TTLL11: variants seen among roughly 807,000 people sequenced by gnomAD.
TTLL11 encodes the protein tubulin polyglutamylase TTLL11.
TTLL11 carries 42 observed loss-of-function variants against 51.7 expected under a neutral mutation model. That is an observed-to-expected ratio of 0.81 (90% CI 0.64 to 1.05). The LOEUF (loss-of-function observed/expected upper bound fraction) is 1.05. TTLL11 is among the 50% of genes least tolerant of loss of function. TTLL11 has a pLI of 0.00. For missense variants in TTLL11, 799 were observed against 940.4 expected, an observed-to-expected ratio of 0.85 and a Z score of 1.97; for synonymous variants, 381 against 383.5, an observed-to-expected ratio of 0.99 and a Z score of 0.08.
intron 6 of TTLL11, among the ~76,000 whole-genome samples, chr9:121,899,284 T>C (rs1341190310): frequency 6.6e-6 from 1 of 151,906 alleles, no homozygotes; most frequent in Non-Finnish European, 1.5e-5. Flanking sequence ...AAACACTCTT[T>C]ATGCACTTCT....
intron 6 of TTLL11, among the ~76,000 whole-genome samples, chr9:121,883,778 G>A (rs1433501565): frequency 6.6e-6 from 1 of 152,156 alleles, no homozygotes; most frequent in Non-Finnish European, 1.5e-5. Flanking sequence ...TTTTTTAGAT[G>A]ATGCCTCCCT....
chr9:121,919,782 G>T (rs1240750539), intron 6 of TTLL11, among the ~76,000 whole-genome samples: 1 of 150,270 alleles, frequency 6.7e-6, no homozygotes, highest in South Asian at 2.1e-4. Flanking sequence ...GAGTCTGAGA[G>T]GGAAGGATCA....
At chr9:121,922,143 G>GC (rs1564306316) in intron 6 of TTLL11, among the ~76,000 whole-genome samples, 1 of 152,176 alleles carries the variant, frequency 6.6e-6, no homozygotes, top group African/African-American at 2.4e-5. Context: ...GGTTGAACCA[G>GC]CCAAGGAGGG....
intron 1 of TTLL11, among the ~76,000 whole-genome samples, chr9:122,051,325 G>A (rs1845150101): frequency 6.6e-6 from 1 of 152,180 alleles, no homozygotes; most frequent in South Asian, 2.1e-4. Flanking sequence ...ATGGATGGAT[G>A]AAATGAGCAC....
At chr9:121,964,977 C>A (rs1287995061) in intron 6 of TTLL11, among the ~76,000 whole-genome samples, 1 of 152,090 alleles carries the variant, frequency 6.6e-6, no homozygotes, top group African/African-American at 2.4e-5. Context: ...TACTGGCTGG[C>A]GATCTAATTC....
chr9:121,989,491 C>T lies in TTLL11; in HGVS notation c.973G>A (p.Glu325Lys), dbSNP rs761701223. ...AKDGLSRFCT[E>K]PYQEPTPKNL... ...TTGGGGGTGGGCTCCTGATATGGCT[C>T]GGTACAAAACCTAGAGAGTCCGTCT... Residue 325 changes from glutamate to lysine, a missense_variant, in exon 4 of 9, where the codon GAG becomes AAG. Physicochemically the swap from Glu to Lys is moderately conservative, Grantham distance 56. This residue lies in a region of TTLL11 where 468 missense variants were observed against 612.8 expected (regional missense o/e 0.76). Coordinates refer to ENST00000321582, the MANE Select transcript of TTLL11 (RefSeq NM_001139442.2). The surrounding 1 kb of genome is among the most constrained non-coding windows in gnomAD (Gnocchi z 4.2). 6.2e-6 allele frequency: 10 copies of T among 1,613,958 alleles called. No individual in the cohort carries two copies. Among genetic ancestry groups the T allele is most frequent in the East Asian group, 2.2e-5 (1 of 44,872 alleles).
At position 121,956,280 on chromosome 9, in the gene TTLL11, G is replaced by T. The variant is rs148785033; in HGVS notation, c.1481+17729C>A. On this transcript the variant is annotated intron_variant, in intron 6 of 8. Coordinates refer to ENST00000321582, the MANE Select transcript of TTLL11 (RefSeq NM_001139442.2). ...AAAAAAACCTGCAACTTTCTCCTTC[G>T]TTAGAAGAATTGTTGTAAGATGGTG... Among the ~76,000 whole-genome samples the T allele has an allele frequency of 2.2e-3, 336 of 152,292 alleles. 2 individuals carry two copies. The highest frequency in any genetic ancestry group is 7.8e-3 in the African/African-American group (325 of 41,568).
chr9:122,043,351 A>C (rs1844899856), intron 1 of TTLL11, among the ~76,000 whole-genome samples: 1 of 152,230 alleles, frequency 6.6e-6, no homozygotes, highest in Admixed American at 6.5e-5. Flanking sequence ...GTGTGATCAA[A>C]TGATTCTCAA....
chr9:122,090,900 AG>A (rs1313367562), intron 1 of TTLL11, among the ~76,000 whole-genome samples: 3 of 152,208 alleles, frequency 2.0e-5, no homozygotes, highest in Non-Finnish European at 4.4e-5. Flanking sequence ...ATAAATGAAA[AG>A]GGAGAATTTC....
At chr9:122,020,546 T>A (rs1386431168) in intron 3 of TTLL11, among the ~76,000 whole-genome samples, 1 of 152,258 alleles carries the variant, frequency 6.6e-6, no homozygotes, top group African/African-American at 2.4e-5. Context: ...CTATGAATAA[T>A]AGAAGAATCC....
At chr9:122,056,992 C>T (rs892386397) in intron 1 of TTLL11, among the ~76,000 whole-genome samples, 23 of 152,148 alleles carry the variant, frequency 1.5e-4, no homozygotes, top group African/African-American at 5.6e-4. Flanking sequence ...ACAGAGGAAT[C>T]ATAGAGGAAA....
chr9:121,892,136 A>G (rs1230003857), intron 6 of TTLL11, among the ~76,000 whole-genome samples: 2 of 147,424 alleles, frequency 1.4e-5, no homozygotes, highest in African/African-American at 4.9e-5. Flanking sequence ...CTACCTTTAT[A>G]TATATACACA....
chr9:122,055,846 G>C (rs540995238), intron 1 of TTLL11, among the ~76,000 whole-genome samples: 1 of 152,322 alleles, frequency 6.6e-6, no homozygotes, highest in Admixed American at 6.5e-5. Context: ...ACGAAAAAAA[G>C]GGAAGTTACC....
At chr9:122,089,449 G>GAT (rs140974298) in intron 1 of TTLL11, among the ~76,000 whole-genome samples, 29 of 152,064 alleles carry the variant, frequency 1.9e-4, no homozygotes, top group Admixed American at 7.9e-4. Context: ...TAGTACCAGG[G>GAT]ATATATATAT....
At chr9:121,976,641 A>T (rs1210888685) in intron 4 of TTLL11, among the ~76,000 whole-genome samples, 1 of 152,214 alleles carries the variant, frequency 6.6e-6, no homozygotes, top group African/African-American at 2.4e-5. Context: ...CATTAGTTAA[A>T]TGATAATTAT....
intron 8 of TTLL11, among the ~76,000 whole-genome samples, chr9:121,845,856 CAG>C (rs1228009531): frequency 6.6e-6 from 1 of 152,016 alleles, no homozygotes; most frequent in Non-Finnish European, 1.5e-5. Context: ...GAAGTAAAAA[CAG>C]AAACAAAGAA....
chr9:121,945,697 G>T (rs1025328431), intron 6 of TTLL11, among the ~76,000 whole-genome samples: 1 of 152,112 alleles, frequency 6.6e-6, no homozygotes, highest in African/African-American at 2.4e-5. Flanking sequence ...TACATTTAAT[G>T]ATTCCATTCA....
intron 2 of TTLL11, among the ~76,000 whole-genome samples, chr9:122,034,591 T>C (rs909954502): frequency 1.3e-5 from 2 of 152,160 alleles, no homozygotes; most frequent in African/African-American, 4.8e-5. Context: ...TGTGCTCCTA[T>C]CCAGTGCCAC....
In TTLL11 at chr9:121,951,391, A is replaced by T. The variant is rs1278326247; in HGVS notation, c.1481+22618T>A. On this transcript the variant is annotated intron_variant, in intron 6 of 8. Transcript: ENST00000321582. Reference sequence around the variant, plus strand: ...TAAGCCTAAAGAGAGAGCAGTGACCATATTGTATAGCAAGTGGAATTCAGC... The same window carrying T: ...TAAGCCTAAAGAGAGAGCAGTGACCTTATTGTATAGCAAGTGGAATTCAGC... Among the ~76,000 whole-genome samples, 3 of 152,230 alleles carry T rather than the reference A, an allele frequency of 2.0e-5. No homozygotes were observed. The East Asian group carries it at 5.8e-4, about 29-fold the overall frequency.
Sources: gnomAD v4.1 joint callset for allele counts (sites outside exome capture counted in the v4.1 genomes callset) on GRCh38, gnomAD v4.1.1 for gene constraint, gnomAD v4.1.1 regional missense constraint, Gnocchi (gnomAD v3.1) non-coding constraint, MANE v1.5 for transcripts, NCBI Gene and HGNC (gene_info 2026-07-23, HGNC 2026-07-21) for gene names.